The following AMN1 variants were observed in gnomAD, a reference collection of about 807,000 sequenced individuals.
AMN1 encodes the protein antagonist of mitotic exit network 1 homolog, also known as protein AMN1 homolog.
A neutral mutation model predicts 33.0 loss-of-function variants in AMN1; 20 were observed. That is an observed-to-expected ratio of 0.61 (90% CI 0.43 to 0.88). The LOEUF (loss-of-function observed/expected upper bound fraction) is 0.88. Among genes scored for constraint, AMN1 ranks in the 40% least tolerant of loss-of-function variants. The pLI, the probability that AMN1 is intolerant of heterozygous loss-of-function variation, is 0.00. For synonymous variants in AMN1, 114 were observed against 111.9 expected, an observed-to-expected ratio of 1.02 and a Z score of -0.12; for missense variants, 246 against 307.4, an observed-to-expected ratio of 0.80 and a Z score of 1.49.
chr12:31,680,389 C>T (rs1042594767), intron 6 of AMN1, among the ~76,000 whole-genome samples: 4 of 151,916 alleles, frequency 2.6e-5, no homozygotes, highest in Admixed American at 6.6e-5. Context: ...TTAGTAGAGA[C>T]GGGGTTTCAC....
chr12:31,720,360 G>T (rs1017125124), intron 1 of AMN1, among the ~76,000 whole-genome samples: 5 of 151,976 alleles, frequency 3.3e-5, no homozygotes, highest in African/African-American at 1.2e-4. Flanking sequence ...GACCAACATG[G>T]TATAACCCCA....
At chr12:31,729,098 CGTA>C, upstream of AMN1, 2 of 1,396,856 alleles carry the variant, frequency 1.4e-6, no homozygotes. Context: ...CCGCGCGACG[CGTA>C]GGTTTTTGTG....
chr12:31,709,579 G>A (rs1175463199), intron 1 of AMN1, among the ~76,000 whole-genome samples, 154 bp from the exon 2 acceptor site: 1 of 152,192 alleles, frequency 6.6e-6, no homozygotes, highest in Non-Finnish European at 1.5e-5. Context: ...AACACTTTGG[G>A]AAGCCCAGGC....
Position 31,672,315 on chromosome 12 carries a change from T to C in AMN1, c.766A>G (p.Thr256Ala). ...GPNKLKQVTW[T>A]VY ...TCTTCAAAAAAGCATCAATAAACAG[T>C]CCATGTCACTTGCTTTAGTTTGTTT... Residue 256 changes from threonine (T) to alanine (A), a missense_variant, in exon 7 of 7, where the codon ACT (threonine) becomes GCT (alanine). Thr to Ala is a moderately conservative substitution (Grantham distance 58, BLOSUM62 0). Transcript: ENST00000281471. 6.3e-7 allele frequency: 1 copy of C among 1,575,074 alleles called. No individual in the cohort carries two copies. Among genetic ancestry groups the C allele is most frequent in the Admixed American group, 1.8e-5 (1 of 55,166 alleles).
chr12:31,679,636 G>C (rs1937905291), intron 6 of AMN1, among the ~76,000 whole-genome samples: 1 of 152,200 alleles, frequency 6.6e-6, no homozygotes, highest in Non-Finnish European at 1.5e-5. Flanking sequence ...GGATTCTCCT[G>C]CCTCTCAGGG....
intron 6 of AMN1, among the ~76,000 whole-genome samples, chr12:31,680,608 G>C (rs1375698228): frequency 6.6e-6 from 1 of 152,150 alleles, no homozygotes; most frequent in African/African-American, 2.4e-5. Context: ...ATAATGTGAA[G>C]TTATGTTTTA....
chr12:31,685,855 A>AT (rs59397681), intron 6 of AMN1, among the ~76,000 whole-genome samples: 6,879 of 142,528 alleles, frequency 0.048, 394 homozygotes, highest in East Asian at 0.27. Context: ...ATTTGTTATT[A>AT]TTTTTTTTTT....
chr12:31,678,331 GA>G (rs1391232774), intron 6 of AMN1, among the ~76,000 whole-genome samples: 16 of 151,850 alleles, frequency 1.1e-4, no homozygotes, highest in Admixed American at 2.0e-4. Flanking sequence ...AGCATTTTTT[GA>G]AAGATTCATG....
intron 1 of AMN1, among the ~76,000 whole-genome samples, chr12:31,710,440 T>C (rs1000614169): frequency 6.6e-6 from 1 of 152,136 alleles, no homozygotes; most frequent in Admixed American, 6.6e-5. Context: ...ATGTTAATTT[T>C]TTCTTTTTCC....
At chr12:31,677,512 A>G (rs1937783118) in intron 6 of AMN1, among the ~76,000 whole-genome samples, 1 of 152,160 alleles carries the variant, frequency 6.6e-6, no homozygotes, top group Admixed American at 6.5e-5. Context: ...TCTATCAACT[A>G]TTTCTAAGAT....
chr12:31,724,544 T>TA (rs1200826654), intron 1 of AMN1, among the ~76,000 whole-genome samples: 1 of 152,130 alleles, frequency 6.6e-6, no homozygotes, highest in African/African-American at 2.4e-5. Context: ...TATATATATA[T>TA]TTTTTTACCA....
At chr12:31,681,135 T>TAA (rs1284791727) in intron 6 of AMN1, among the ~76,000 whole-genome samples, 1 of 152,208 alleles carries the variant, frequency 6.6e-6, no homozygotes, top group Non-Finnish European at 1.5e-5. Context: ...AGTTTATTAA[T>TAA]AAAAGCCATT....
intron 1 of AMN1, among the ~76,000 whole-genome samples, chr12:31,718,544 G>A (rs1189708734): frequency 2.6e-5 from 4 of 152,120 alleles, no homozygotes; most frequent in Non-Finnish European, 5.9e-5. Context: ...CCATCTTTGT[G>A]GTTTTATCTA....
chr12:31,723,193 C>T (rs926807737), intron 1 of AMN1, among the ~76,000 whole-genome samples: 1 of 152,010 alleles, frequency 6.6e-6, no homozygotes, highest in African/African-American at 2.4e-5. Context: ...TATTGGAACA[C>T]TGCCTTTGAC....
intron 1 of AMN1, among the ~76,000 whole-genome samples, chr12:31,713,817 C>T (rs1251563858): frequency 6.6e-6 from 1 of 151,872 alleles, no homozygotes; most frequent in Admixed American, 6.6e-5. Context: ...CACTGCACTC[C>T]AGCCTGGGTG....
intron 1 of AMN1, among the ~76,000 whole-genome samples, chr12:31,715,938 T>G (rs1939656960): frequency 6.6e-6 from 1 of 152,258 alleles, no homozygotes; most frequent in South Asian, 2.1e-4. Context: ...GTGACTAAAT[T>G]TGACTAAACT....
At chr12:31,704,017 C>T (rs984540597) in intron 2 of AMN1, among the ~76,000 whole-genome samples, 13 of 152,122 alleles carry the variant, frequency 8.5e-5, no homozygotes, top group Non-Finnish European at 1.2e-4. Context: ...TATAACTATG[C>T]TTATTATCAT....
rs1438023296 is a variant in AMN1, at chr12:31,681,929, G to A, written c.703+7078C>T. On this transcript the variant is annotated intron_variant, in intron 6 of 6. Transcript: ENST00000281471. Reference sequence around the variant, plus strand: ...TGCATTCAAGCGATCCACCCACCTTGGCCTCCCAAAGTGCTGGGATTACAG... The same window carrying A: ...TGCATTCAAGCGATCCACCCACCTTAGCCTCCCAAAGTGCTGGGATTACAG... 3.9e-5 allele frequency among the ~76,000 whole-genome samples: 6 copies of A among 152,048 alleles called. No individual in the cohort carries two copies. The East Asian group carries it at 1.2e-3, about 29-fold the overall frequency.
intron 6 of AMN1, among the ~76,000 whole-genome samples, chr12:31,676,540 T>C (rs925633540): frequency 2.0e-5 from 3 of 150,850 alleles, no homozygotes; most frequent in Non-Finnish European, 2.9e-5. Context: ...GCCAGGATGG[T>C]CTCGATCTCC....
Sources: gnomAD v4.1 joint callset for allele counts (sites outside exome capture counted in the v4.1 genomes callset) on GRCh38, gnomAD v4.1.1 for gene constraint, MANE v1.5 for transcripts, NCBI Gene and HGNC (gene_info 2026-07-23, HGNC 2026-07-21) for gene names.